Variants in SEPTIN11 observed in about 807,000 individuals in gnomAD.
The protein encoded by SEPTIN11 is septin-11.
Under a neutral mutation model 51.4 loss-of-function variants are expected in SEPTIN11, and 25 were observed. That is an observed-to-expected ratio of 0.49 (90% CI 0.35 to 0.68). The LOEUF is 0.68. Among genes scored for constraint, SEPTIN11 ranks in the 30% least tolerant of loss-of-function variants. The pLI is 0.00. For missense variants in SEPTIN11, 381 were observed against 520.8 expected (o/e 0.73, Z 2.61); for synonymous variants, 174 against 184.1 (o/e 0.95, Z 0.44).
chr4:77,039,127 TAG>T (rs948920250), downstream of SEPTIN11: 2 of 1,288,784 alleles, frequency 1.6e-6, no homozygotes, highest in African/African-American at 3.0e-5. Context: ...CTAATGGACA[TAG>T]AGCATTAGAA....
chr4:76,977,040 G>C (rs542333612), intron 1 of SEPTIN11, among the ~76,000 whole-genome samples: 1 of 152,322 alleles, frequency 6.6e-6, no homozygotes, highest in Non-Finnish European at 1.5e-5. Flanking sequence ...AACATGGAAT[G>C]AGGTAGAGAA....
chr4:76,964,605 AC>A (rs1287218192), intron 1 of SEPTIN11, among the ~76,000 whole-genome samples: 1 of 152,198 alleles, frequency 6.6e-6, no homozygotes, highest in Non-Finnish European at 1.5e-5. Context: ...TTATGGTTTA[AC>A]AAAGATAGGT....
chr4:76,949,868 C>A lies in SEPTIN11; in HGVS notation c.-36C>A, dbSNP rs1393941469. 2.6e-6 allele frequency: 4 copies of A among 1,512,782 alleles called. No individual in the cohort carries two copies. Among genetic ancestry groups the A allele is most frequent in the Admixed American group, 2.0e-5 (1 of 49,230 alleles). The allele number at this position is 1,512,782 out of a possible 1,614,324, so 93.7% of individuals were successfully genotyped here. On this transcript the variant is annotated 5_prime_UTR_variant, in exon 1 of 10. Coordinates refer to ENST00000264893, the MANE Select transcript of SEPTIN11 (RefSeq NM_018243.4). Reference sequence around the variant, plus strand: ...AGCAGCAGCCGGAGTCGGCGTAAAGCACCCGGGCGCAGCCGGAGCCGGTGC... The same window carrying A: ...AGCAGCAGCCGGAGTCGGCGTAAAGAACCCGGGCGCAGCCGGAGCCGGTGC...
chr4:76,996,876 G>A (rs1723756013), intron 2 of SEPTIN11, among the ~76,000 whole-genome samples: 1 of 142,326 alleles, frequency 7.0e-6, no homozygotes, highest in Non-Finnish European at 1.5e-5. Flanking sequence ...CACCCCTCTA[G>A]CCATATCTTT....
intron 1 of SEPTIN11, among the ~76,000 whole-genome samples, chr4:76,973,689 A>G (rs1367243658): frequency 6.6e-6 from 1 of 152,242 alleles, no homozygotes; most frequent in Non-Finnish European, 1.5e-5. Context: ...ATAATTTCAT[A>G]GTGTTAAAGC....
intron 2 of SEPTIN11, 24 bp downstream of exon 2, chr4:76,996,563 C>G (rs748348766): frequency 6.6e-7 from 1 of 1,513,556 alleles, no homozygotes; most frequent in Non-Finnish European, 9.2e-7. Context: ...CACCCCACAG[C>G]AAGAAATTTG....
chr4:76,996,577 C>T (rs1723733387), intron 2 of SEPTIN11, 38 bp downstream of exon 2: 1 of 1,382,530 alleles, frequency 7.2e-7, no homozygotes, highest in African/African-American at 1.4e-5. Flanking sequence ...AAATTTGATC[C>T]TTAGATATTG....
In SEPTIN11 at chr4:77,030,719, A is replaced by C. The variant is rs1306855464; in HGVS notation, c.1087-64A>C. ...CATGTTTTGTTTTTTGAACAGATCCAAAGAACTTTACATCAAAAGGATTTT... is the reference window on the plus strand; with the variant it reads ...CATGTTTTGTTTTTTGAACAGATCCCAAGAACTTTACATCAAAAGGATTTT... On this transcript the variant is annotated intron_variant, in intron 8 of 9. Coordinates refer to ENST00000264893, the MANE Select transcript of SEPTIN11 (RefSeq NM_018243.4). 2.0e-6 allele frequency: 3 copies of C among 1,477,734 alleles called. No homozygotes were observed. In the African/African-American group the frequency reaches 4.3e-5, roughly 21 times the overall value. The allele number at this position is 1,477,734 out of a possible 1,614,324, so 91.5% of individuals were successfully genotyped here. A position where few individuals can be genotyped will look rare whatever the true frequency, so the allele number is the denominator to read the frequency against.
chr4:77,026,435 A>G (rs1232766925), intron 7 of SEPTIN11, among the ~76,000 whole-genome samples: 1 of 152,220 alleles, frequency 6.6e-6, no homozygotes, highest in African/African-American at 2.4e-5. Flanking sequence ...CTTACCAGAC[A>G]TCCTGAATCA....
rs1227064524 is a variant in SEPTIN11, at chr4:76,984,418, A to G, written c.28-12007A>G. 2.0e-5 allele frequency among the ~76,000 whole-genome samples: 3 copies of G among 152,108 alleles called. No homozygotes were observed. Among genetic ancestry groups the G allele is most frequent in the South Asian group, 2.1e-4 (1 of 4,822 alleles). The stretch of plus-strand genomic sequence containing the variant: ...TCAGAAAGGCACAGAAATATATGGT[A>G]TCTTTCAGAAAGGAAGTGGCTAATT... On this transcript the variant is annotated intron_variant, in intron 1 of 9. Transcript: ENST00000264893. The surrounding 1 kb of genome is among the most constrained non-coding windows in gnomAD (Gnocchi z 4.1).
At chr4:76,951,265 G>C (rs1721330466) in intron 1 of SEPTIN11, among the ~76,000 whole-genome samples, 1 of 152,148 alleles carries the variant, frequency 6.6e-6, no homozygotes, top group Non-Finnish European at 1.5e-5. Flanking sequence ...GGCTGCCCGC[G>C]GTGCTTTCAA....
Position 77,028,686 on chromosome 4 carries a change from A to C in SEPTIN11, c.1011A>C (p.Lys337Asn), listed in dbSNP as rs150688245. The C allele has an allele frequency of 1.2e-6, 2 of 1,613,814 alleles. No homozygotes were observed. The highest frequency in any genetic ancestry group is 1.7e-6 in the Non-Finnish European group (2 of 1,179,842). ...RNEFLGELQK[K>N]EEEMRQMFVM... ...AATTCCTGGGAGAACTGCAGAAGAAAGAAGAAGAAATGAGACAAATGTTTG... is the reference window on the plus strand; with the variant it reads ...AATTCCTGGGAGAACTGCAGAAGAACGAAGAAGAAATGAGACAAATGTTTG... The change falls in exon 8 of 10, where the codon AAA (lysine) becomes AAC (asparagine). Residue 337 changes from lysine to asparagine, a missense_variant. Transcript: ENST00000264893.
chr4:77,001,569 C>G (rs1366909487), intron 2 of SEPTIN11, among the ~76,000 whole-genome samples: 1 of 152,190 alleles, frequency 6.6e-6, no homozygotes, highest in East Asian at 1.9e-4. Flanking sequence ...AGGATGGTCT[C>G]GAACTCCTGA....
In SEPTIN11 at chr4:77,035,503, T is replaced by C. The variant is rs1726965190; in HGVS notation, c.*991T>C. The C allele has an allele frequency of 2.0e-6, 2 of 985,402 alleles. No individual in the cohort carries two copies. Among genetic ancestry groups the C allele is most frequent in the African/African-American group, 1.7e-5 (1 of 57,346 alleles). The allele number at this position is 985,402 out of a possible 1,614,324, so 61.0% of individuals were successfully genotyped here. ...AAAATTTGCTATAAACTCTGTATCATTGGTAGCACAAATTTGAGCGAGGCC... is the reference window on the plus strand; with the variant it reads ...AAAATTTGCTATAAACTCTGTATCACTGGTAGCACAAATTTGAGCGAGGCC... On this transcript the variant is annotated 3_prime_UTR_variant, in exon 10 of 10. Coordinates refer to ENST00000264893, the MANE Select transcript of SEPTIN11 (RefSeq NM_018243.4).
intron 2 of SEPTIN11, among the ~76,000 whole-genome samples, chr4:77,004,063 C>T (rs539534682): frequency 6.6e-5 from 10 of 152,326 alleles, no homozygotes; most frequent in African/African-American, 2.2e-4. Flanking sequence ...ACCACCACCA[C>T]GAACATAAGG....
At chr4:77,011,552 G>A (rs183514727) in intron 3 of SEPTIN11, among the ~76,000 whole-genome samples, 183 bp from the exon 4 acceptor site, 74 of 152,018 alleles carry the variant, frequency 4.9e-4, no homozygotes, top group Middle Eastern at 3.4e-3. Flanking sequence ...ATGATTGGGC[G>A]TGGCTGGGAC....
chr4:77,028,447 T>G (rs1380641671), intron 7 of SEPTIN11, among the ~76,000 whole-genome samples, 182 bp from the exon 8 acceptor site: 1 of 152,242 alleles, frequency 6.6e-6, no homozygotes. Flanking sequence ...TAGTTCTTGA[T>G]GCACTTGTCT....
intron 1 of SEPTIN11, chr4:76,995,747 G>A: frequency 6.9e-7 from 1 of 1,439,050 alleles, no homozygotes; most frequent in African/African-American, 1.4e-5. Flanking sequence ...TATCCTATGT[G>A]ATTTTAAAAT....
At position 77,024,531 on chromosome 4, in the gene SEPTIN11, G is replaced by A. The variant is rs1725965832; in HGVS notation, c.953+3861G>A. 6.6e-6 allele frequency among the ~76,000 whole-genome samples: 1 copy of A among 152,102 alleles called. No homozygotes were observed. Among genetic ancestry groups the A allele is most frequent in the African/African-American group, 2.4e-5 (1 of 41,400 alleles). ...CTCCCTGCTTCCTTTCTCCTGAGAG[G>A]CCACAGCGCTTTTCCTAACAGTACC... On this transcript the variant is annotated intron_variant, in intron 7 of 9. Transcript: ENST00000264893. The surrounding 1 kb of genome is among the most constrained non-coding windows in gnomAD (Gnocchi z 4.2).
Sources: gnomAD v4.1 joint callset for allele counts (sites outside exome capture counted in the v4.1 genomes callset) on GRCh38, gnomAD v4.1.1 for gene constraint, Gnocchi (gnomAD v3.1) non-coding constraint, MANE v1.5 for transcripts, NCBI Gene and HGNC (gene_info 2026-07-23, HGNC 2026-07-21) for gene names.